The following PCDHA1 variants were observed in gnomAD, a reference collection of about 807,000 sequenced individuals.
PCDHA1 encodes the protein protocadherin alpha 1.
A neutral mutation model predicts 61.3 loss-of-function variants in PCDHA1; 42 were observed. The ratio of observed to expected loss-of-function variants is 0.69; its 90% confidence interval spans 0.54 to 0.89. The LOEUF is 0.89. Ranked by LOEUF, PCDHA1 falls within the 40% of genes least tolerant of loss-of-function variation. The pLI, the probability that PCDHA1 is intolerant of heterozygous loss-of-function variation, is 0.00. For missense variants in PCDHA1, 1,256 were observed against 1,235.3 expected (o/e 1.02, Z -0.25); for synonymous variants, 610 against 553.8 (o/e 1.10, Z -1.43).
chr5:140,856,210 G>A, intron 1 of PCDHA1: 1 of 1,598,116 alleles, frequency 6.3e-7, no homozygotes, highest in Non-Finnish European at 8.6e-7. Flanking sequence ...TGGGGCTGGA[G>A]CTGGCGGAGC....
At chr5:140,802,691 G>C (rs1554122285) in intron 1 of PCDHA1, 3 of 1,612,968 alleles carry the variant, frequency 1.9e-6, no homozygotes, top group Admixed American at 1.7e-5. Context: ...TGGAACGGCG[G>C]GTGGGGGAGC....
intron 1 of PCDHA1, chr5:140,869,015 A>G (rs2050795044): frequency 6.6e-7 from 1 of 1,524,382 alleles, no homozygotes; most frequent in Non-Finnish European, 8.8e-7. Flanking sequence ...GAAACTTCTT[A>G]AGAATTCAAC....
At chr5:140,838,842 A>G (rs1775908349) in intron 1 of PCDHA1, among the ~76,000 whole-genome samples, 1 of 151,970 alleles carries the variant, frequency 6.6e-6, no homozygotes. Flanking sequence ...GGATCACTTA[A>G]GCCAGGGAGG....
chr5:140,919,097 C>T lies in PCDHA1; in HGVS notation c.2395-59852C>T, dbSNP rs531325561. Among the ~76,000 whole-genome samples the T allele has an allele frequency of 5.3e-5, 8 of 152,242 alleles. No homozygotes were observed. The South Asian group carries it at 1.7e-3, about 32-fold the overall frequency. ...TATGACTATTGAATTGTCTATTTCT[C>T]CCTTCATTTCTGCCAGTTTTTGCTT... On this transcript the variant is annotated intron_variant, in intron 1 of 3. Coordinates refer to ENST00000504120, the MANE Select transcript of PCDHA1 (RefSeq NM_018900.4).
At chr5:140,941,750 T>C (rs528792646) in intron 1 of PCDHA1, among the ~76,000 whole-genome samples, 2 of 152,384 alleles carry the variant, frequency 1.3e-5, no homozygotes, top group Admixed American at 6.5e-5. Flanking sequence ...TATCAGATTT[T>C]CAGTGCTTTT....
At chr5:140,914,613 G>A (rs2076780862) in intron 1 of PCDHA1, among the ~76,000 whole-genome samples, 1 of 151,852 alleles carries the variant, frequency 6.6e-6, no homozygotes, top group Non-Finnish European at 1.5e-5. Flanking sequence ...CTGCCATTTT[G>A]TAATTTGTTT....
intron 1 of PCDHA1, chr5:140,882,644 A>G (rs368491324): frequency 1.9e-6 from 3 of 1,614,138 alleles, no homozygotes; most frequent in Admixed American, 1.7e-5. Flanking sequence ...GGTGAGGGAC[A>G]TTAACGACAA....
chr5:140,797,273 T>G (rs548160646), intron 1 of PCDHA1: 1 of 1,614,226 alleles, frequency 6.2e-7, no homozygotes, highest in East Asian at 2.2e-5. Flanking sequence ...ACGGACCTCA[T>G]GGCCTTCAGC....
At chr5:140,936,630 T>C (rs1309907947) in intron 1 of PCDHA1, among the ~76,000 whole-genome samples, 1 of 152,234 alleles carries the variant, frequency 6.6e-6, no homozygotes, top group Non-Finnish European at 1.5e-5. Context: ...GCTACCTTTG[T>C]CATAAGCAAC....
At chr5:140,872,497 C>G (rs1554166232) in intron 1 of PCDHA1, among the ~76,000 whole-genome samples, 1 of 152,150 alleles carries the variant, frequency 6.6e-6, no homozygotes. Context: ...CCTAGTGGTG[C>G]ATGCCTGTAG....
At chr5:140,829,581 G>T (rs143213882) in intron 1 of PCDHA1, 38 of 1,612,162 alleles carry the variant, frequency 2.4e-5, no homozygotes, top group African/African-American at 1.6e-4. Flanking sequence ...CTGGTGGAGC[G>T]GCGGGTGGGC....
intron 1 of PCDHA1, among the ~76,000 whole-genome samples, chr5:140,879,490 C>T (rs2058010245): frequency 2.0e-5 from 3 of 152,090 alleles, no homozygotes; most frequent in Admixed American, 2.0e-4. Flanking sequence ...AAATATGGGT[C>T]TGGATCTCAG....
chr5:140,998,809 C>T (rs782698811), intron 3 of PCDHA1, among the ~76,000 whole-genome samples: 14 of 152,212 alleles, frequency 9.2e-5, no homozygotes, highest in Non-Finnish European at 1.9e-4. Context: ...GGTGATCTGC[C>T]TGCCTTGGCC....
In PCDHA1 at chr5:140,823,005, C is replaced by T. The variant is rs2150121169; in HGVS notation, c.2394+34321C>T. On this transcript the variant is annotated intron_variant, in intron 1 of 3. Coordinates refer to ENST00000504120, the MANE Select transcript of PCDHA1 (RefSeq NM_018900.4). ...ATTACTACTCGTTGGTGCTGGACAG[C>T]GCCCTGGACCGCGAGAGCGTGTCGG... 5,038 of 1,614,224 alleles carry T rather than the reference C, an allele frequency of 3.1e-3. 120 individuals are homozygous for T. In the African/African-American group the frequency reaches 0.055, roughly 18 times the overall value.
intron 1 of PCDHA1, chr5:140,853,431 T>A (rs115944296): frequency 0.015 from 15,010 of 985,262 alleles, 1,430 homozygotes; most frequent in Non-Finnish European, 0.017. Context: ...AGAGACACTT[T>A]CCTATTTTGC....
intron 1 of PCDHA1, chr5:140,823,400 C>A (rs2150125536): frequency 1.2e-5 from 20 of 1,612,960 alleles, no homozygotes; most frequent in Non-Finnish European, 1.4e-5. Flanking sequence ...GCGGGCGTGC[C>A]GCCTCTGGGC....
chr5:140,964,585 T>C (rs1275209289), intron 1 of PCDHA1, among the ~76,000 whole-genome samples: 1 of 151,992 alleles, frequency 6.6e-6, no homozygotes, highest in Non-Finnish European at 1.5e-5. Flanking sequence ...GGAGGAAAGA[T>C]CACTTTTCAT....
At chr5:140,857,475 T>C in intron 1 of PCDHA1, 2 of 1,598,608 alleles carry the variant, frequency 1.3e-6, no homozygotes, top group Non-Finnish European at 1.7e-6. Flanking sequence ...ATCTTCACGG[T>C]GTCTGCGTGG....
rs782646556 is a variant in PCDHA1 at position 140,869,083 on chromosome 5, T to G, written c.2394+80399T>G. 1.6e-5 allele frequency: 26 copies of G among 1,582,872 alleles called. No individual in the cohort carries two copies. The South Asian group carries it at 2.9e-4, about 18-fold the overall frequency. On this transcript the variant is annotated intron_variant, in intron 1 of 3. Coordinates refer to ENST00000504120, the MANE Select transcript of PCDHA1 (RefSeq NM_018900.4). ...ACTGTAAGTGTAAAGAAGCTTATTT[T>G]GGAAGCCAATTTCGTATGCGATGTT...
Sources: gnomAD v4.1 joint callset for allele counts (sites outside exome capture counted in the v4.1 genomes callset) on GRCh38, gnomAD v4.1.1 for gene constraint, MANE v1.5 for transcripts, NCBI Gene and HGNC (gene_info 2026-07-23, HGNC 2026-07-21) for gene names.